The following CDC73 variants were observed in gnomAD, a reference collection of about 807,000 sequenced individuals.
CDC73 encodes parafibromin.
In CDC73, 21 loss-of-function variants were observed where a neutral mutation model predicts 83.7. The observed-to-expected ratio is 0.25, with a 90% CI of 0.18 to 0.36. CDC73 has a LOEUF of 0.36. Ranked by LOEUF, CDC73 falls within the 10% of genes least tolerant of loss-of-function variation. The probability of loss-of-function intolerance (pLI) is 1.00; values close to 1 mark genes in which losing one functional copy is unlikely to be tolerated. For missense variants in CDC73, 342 were observed against 653.3 expected (o/e 0.52, Z 5.19); for synonymous variants, 224 against 212.9 (o/e 1.05, Z -0.45).
At chr1:193,232,530 T>G (rs1677678402) in intron 13 of CDC73, among the ~76,000 whole-genome samples, 1 of 152,202 alleles carries the variant, frequency 6.6e-6, no homozygotes, top group Non-Finnish European at 1.5e-5. Flanking sequence ...AGGAAAGACC[T>G]ATACACTCCA....
rs1572217729 is a variant in CDC73 at position 193,236,298 on chromosome 1, G to A, written c.1359G>A (p.Gln453=). The change falls in exon 15 of 17, where the codon CAG becomes CAA. Residue 453 remains glutamine, a synonymous_variant. Transcript: ENST00000367435. ...VAVFVQGPAW[Q]FKGWPWLLPD... ...TTTTTGTGCAGGGTCCTGCATGGCAGTTCAAAGGTTGGCCATGGCTTTTGC... is the reference window on the plus strand; with the variant it reads ...TTTTTGTGCAGGGTCCTGCATGGCAATTCAAAGGTTGGCCATGGCTTTTGC... 4.3e-6 allele frequency: 7 copies of A among 1,613,918 alleles called. No homozygotes were observed. Among genetic ancestry groups the A allele is most frequent in the African/African-American group, 1.3e-5 (1 of 74,914 alleles).
At chr1:193,193,679 C>G (rs1219314108) in intron 10 of CDC73, among the ~76,000 whole-genome samples, 1 of 152,016 alleles carries the variant, frequency 6.6e-6, no homozygotes, top group Non-Finnish European at 1.5e-5. Flanking sequence ...CTGATTTTCT[C>G]TCACCTTTGA....
intron 10 of CDC73, among the ~76,000 whole-genome samples, chr1:193,196,813 G>T (rs1386623638): frequency 6.6e-6 from 1 of 152,102 alleles, no homozygotes; most frequent in Non-Finnish European, 1.5e-5. Context: ...CTGCAACTTT[G>T]CAGAACTTGT....
rs1341384430 is a variant in CDC73, at chr1:193,250,796, T to C, written c.*84T>C. ...ACTTAAAAATGAAGAAGGTCACAGA[T>C]TGATCTTTTATAAGACCTTATTTGA... On this transcript the variant is annotated 3_prime_UTR_variant, in exon 17 of 17. Transcript: ENST00000367435. The C allele has an allele frequency of 2.5e-6, 3 of 1,212,662 alleles. No individual in the cohort carries two copies. Among genetic ancestry groups the C allele is most frequent in the African/African-American group, 1.5e-5 (1 of 66,940 alleles). The allele number at this position is 1,212,662 out of a possible 1,614,324, so 75.1% of individuals were successfully genotyped here.
rs568459089 is a variant in CDC73, at chr1:193,130,720, TCATCCTTAC to T, written c.307+483_307+491del. Among the ~76,000 whole-genome samples the T allele has an allele frequency of 3.2e-3, 486 of 152,370 alleles. 4 individuals are homozygous for T. The highest frequency in any genetic ancestry group is 0.011 in the African/African-American group (453 of 41,588). On this transcript the variant is annotated intron_variant, in intron 3 of 16. Transcript: ENST00000367435. ...TCTTGAAGCCACTCTAGTCTGGCCT[TCATCCTTAC>T]CATCCCACTAAAATCACTCCTTGTA... is the stretch of plus-strand genomic sequence containing the variant.
chr1:193,145,568 A>G (rs79667627), intron 7 of CDC73, among the ~76,000 whole-genome samples: 1 of 152,188 alleles, frequency 6.6e-6, no homozygotes, highest in African/African-American at 2.4e-5. Context: ...ATATGCTATT[A>G]TGTTTACATG....
At chr1:193,174,414 A>G (rs74334467) in intron 10 of CDC73, among the ~76,000 whole-genome samples, 3,188 of 152,196 alleles carry the variant, frequency 0.021, 109 homozygotes, top group African/African-American at 0.071. Context: ...GCCTTCCACT[A>G]TATCTCCAGT....
chr1:193,127,208 A>G (rs1486509437), intron 2 of CDC73, among the ~76,000 whole-genome samples: 1 of 151,662 alleles, frequency 6.6e-6, no homozygotes, highest in Admixed American at 6.6e-5. Context: ...CAGGAGGTTG[A>G]GGCTGCAGTA....
chr1:193,156,721 A>G (rs1000009256), intron 10 of CDC73, among the ~76,000 whole-genome samples: 5 of 152,134 alleles, frequency 3.3e-5, no homozygotes, highest in Non-Finnish European at 7.4e-5. Flanking sequence ...GGAGTGCTAT[A>G]GTAGCAGTAA....
intron 10 of CDC73, among the ~76,000 whole-genome samples, chr1:193,169,250 T>G (rs1676481623): frequency 6.6e-6 from 1 of 152,180 alleles, no homozygotes; most frequent in Non-Finnish European, 1.5e-5. Context: ...TAACATTAAA[T>G]TTGTGAGAAT....
intron 8 of CDC73, among the ~76,000 whole-genome samples, chr1:193,148,380 A>G (rs1223306692): frequency 6.6e-6 from 1 of 152,170 alleles, no homozygotes; most frequent in Non-Finnish European, 1.5e-5. Context: ...ATCACCAGCC[A>G]TGCTGTCCTT....
intron 10 of CDC73, among the ~76,000 whole-genome samples, chr1:193,188,468 C>T (rs1217627484): frequency 4.6e-5 from 7 of 150,954 alleles, no homozygotes; most frequent in African/African-American, 1.5e-4. Flanking sequence ...TGAACACTGG[C>T]GCAGCATACC....
At chr1:193,144,023 T>C (rs1196636607) in intron 7 of CDC73, among the ~76,000 whole-genome samples, 1 of 144,696 alleles carries the variant, frequency 6.9e-6, no homozygotes, top group Admixed American at 7.4e-5. Context: ...GTGAGGAGAA[T>C]TGCTTGAACC....
intron 13 of CDC73, among the ~76,000 whole-genome samples, chr1:193,226,197 TTTTG>T (rs1200275532): frequency 6.6e-6 from 1 of 152,136 alleles, no homozygotes; most frequent in African/African-American, 2.4e-5. Flanking sequence ...CACTTTATGT[TTTTG>T]TTTGTTTTGC....
intron 10 of CDC73, among the ~76,000 whole-genome samples, chr1:193,166,202 C>T (rs780360642): frequency 3.3e-5 from 5 of 152,060 alleles, no homozygotes; most frequent in Non-Finnish European, 7.4e-5. Context: ...GGGTCTTGCT[C>T]TGTCACCCAG....
chr1:193,206,560 G>A (rs1311870961), intron 11 of CDC73, among the ~76,000 whole-genome samples: 1 of 152,138 alleles, frequency 6.6e-6, no homozygotes, highest in African/African-American at 2.4e-5. Context: ...CAGTTTTGAA[G>A]GGATATTGTT....
At position 193,138,076 on chromosome 1, in the gene CDC73, T is replaced by G. The variant is rs1421522253; in HGVS notation, c.424-9T>G. ...AATTTTAAATGCATTAACCAGTGGT[T>G]ATTTCCAGGATGAAGAGTGTGTGCG... On this transcript the variant is annotated splice_polypyrimidine_tract_variant and intron_variant, in intron 5 of 16. Coordinates refer to ENST00000367435, the MANE Select transcript of CDC73 (RefSeq NM_024529.5). 6.2e-7 allele frequency: 1 copy of G among 1,607,244 alleles called. No homozygotes were observed. The highest frequency in any genetic ancestry group is 1.7e-5 in the Admixed American group (1 of 60,022).
rs1176208648 is a variant in CDC73, at chr1:193,128,218, G to A, written c.238-1956G>A. On this transcript the variant is annotated intron_variant, in intron 2 of 16. Coordinates refer to ENST00000367435, the MANE Select transcript of CDC73 (RefSeq NM_024529.5). ...GACCAAATGATGATGTAAGTTATTA[G>A]ACTTAGAAACAGTAACTTAAAATTA... 5 of 152,166 alleles carry A rather than the reference G, an allele frequency of 3.3e-5. No homozygotes were observed. In the East Asian group the frequency reaches 9.6e-4, roughly 29 times the overall value. 9.4% of individuals were successfully genotyped at this position (152,166 alleles called of 1,614,324 possible).
At chr1:193,156,629 C>T (rs952250309) in intron 10 of CDC73, among the ~76,000 whole-genome samples, 1 of 152,092 alleles carries the variant, frequency 6.6e-6, no homozygotes, top group Non-Finnish European at 1.5e-5. Flanking sequence ...CTCTCCCCAC[C>T]CCACCACTGT....
Sources: gnomAD v4.1 joint callset for allele counts (sites outside exome capture counted in the v4.1 genomes callset) on GRCh38, gnomAD v4.1.1 for gene constraint, MANE v1.5 for transcripts, NCBI Gene and HGNC (gene_info 2026-07-23, HGNC 2026-07-21) for gene names.